Variants in NXPH1 observed in about 807,000 individuals in gnomAD.
NXPH1 encodes neurexophilin-1.
NXPH1 carries 5 observed loss-of-function variants against 23.7 expected under a neutral mutation model. That is an observed-to-expected ratio of 0.21 (90% CI 0.11 to 0.44). NXPH1 has a LOEUF of 0.44. NXPH1 is among the 20% of genes least tolerant of loss of function. The pLI is 0.99. For synonymous variants in NXPH1, 144 were observed against 122.2 expected, an observed-to-expected ratio of 1.18 and a Z score of -1.18; for missense variants, 324 against 321.6, an observed-to-expected ratio of 1.01 and a Z score of -0.06.
At chr7:8,475,061 C>T (rs1469726828) in intron 2 of NXPH1, among the ~76,000 whole-genome samples, 1 of 152,120 alleles carries the variant, frequency 6.6e-6, no homozygotes, top group Non-Finnish European at 1.5e-5. Context: ...GAGAGGCACT[C>T]TGACTGGGGG....
At position 8,489,292 on chromosome 7, in the gene NXPH1, A is replaced by T. The variant is rs1169023059; in HGVS notation, c.54+53525A>T. Among the ~76,000 whole-genome samples, 4 of 152,060 alleles carry T rather than the reference A, an allele frequency of 2.6e-5. No individual in the cohort carries two copies. In the East Asian group the frequency reaches 7.7e-4, roughly 29 times the overall value. ...CTCATATCGAAAAGGACCCTTCTTC[A>T]TTCTAGGGAGTCTGAATTTTCATAG... On this transcript the variant is annotated intron_variant, in intron 2 of 2. Transcript: ENST00000405863.
intron 2 of NXPH1, among the ~76,000 whole-genome samples, chr7:8,653,329 G>C (rs918470367): frequency 6.6e-6 from 1 of 152,096 alleles, no homozygotes; most frequent in Non-Finnish European, 1.5e-5. Context: ...TAGCAGTTTT[G>C]GTGGTGGAGT....
rs1187005080 is a variant in NXPH1 at position 8,654,116 on chromosome 7, G to C, written c.55-96892G>C. ...AAGACTTCCATAACCTTCACCTTTT[G>C]AAAAACTCTTCATTGCTTTTGGATA... On this transcript the variant is annotated intron_variant, in intron 2 of 2. Coordinates refer to ENST00000405863, the MANE Select transcript of NXPH1 (RefSeq NM_152745.3). 2.0e-5 allele frequency among the ~76,000 whole-genome samples: 3 copies of C among 151,980 alleles called. No individual in the cohort carries two copies. In the East Asian group the frequency reaches 5.8e-4, roughly 29 times the overall value.
At chr7:8,553,522 G>A (rs1818310165) in intron 2 of NXPH1, among the ~76,000 whole-genome samples, 1 of 151,498 alleles carries the variant, frequency 6.6e-6, no homozygotes. Flanking sequence ...ATGACTGACT[G>A]ACTAATGAGG....
intron 2 of NXPH1, among the ~76,000 whole-genome samples, chr7:8,539,475 T>G (rs888488725): frequency 6.6e-6 from 1 of 151,852 alleles, no homozygotes; most frequent in Non-Finnish European, 1.5e-5. Context: ...CTATCTTTTC[T>G]TTTCGTAAAT....
chr7:8,658,034 TA>T (rs1820609427), intron 2 of NXPH1, among the ~76,000 whole-genome samples: 1 of 152,030 alleles, frequency 6.6e-6, no homozygotes, highest in South Asian at 2.1e-4. Flanking sequence ...TTTCAACAAA[TA>T]AATAAATAAA....
In NXPH1 at chr7:8,612,420, G is replaced by C. The variant is rs78961993; in HGVS notation, c.55-138588G>C. Among the ~76,000 whole-genome samples the C allele has an allele frequency of 5.7e-4, 86 of 151,952 alleles. No individual in the cohort carries two copies. In the East Asian group the frequency reaches 0.015, roughly 27 times the overall value. ...TAGTTTTGAGAAGAGGAGATATAGT[G>C]CTAGTAGCAGCACTCAAGAGACACT... is the stretch of plus-strand genomic sequence containing the variant. On this transcript the variant is annotated intron_variant, in intron 2 of 2. Transcript: ENST00000405863.
chr7:8,561,383 C>CACACA (rs1554256950), intron 2 of NXPH1, among the ~76,000 whole-genome samples: 10 of 147,230 alleles, frequency 6.8e-5, no homozygotes, highest in South Asian at 2.2e-4. Context: ...CACACACACA[C>CACACA]CTCTCTCTCT....
intron 2 of NXPH1, among the ~76,000 whole-genome samples, chr7:8,674,522 G>A (rs1820918793): frequency 6.6e-6 from 1 of 152,108 alleles, no homozygotes; most frequent in African/African-American, 2.4e-5. Flanking sequence ...TTCGTATGGA[G>A]AGCTGCTGAA....
chr7:8,506,404 C>G (rs1209706022), intron 2 of NXPH1, among the ~76,000 whole-genome samples: 1 of 152,022 alleles, frequency 6.6e-6, no homozygotes, highest in South Asian at 2.1e-4. Flanking sequence ...ATTAATATTT[C>G]CTTTATAGGA....
intron 2 of NXPH1, among the ~76,000 whole-genome samples, chr7:8,705,112 C>T (rs1779682682): frequency 6.6e-6 from 1 of 152,166 alleles, no homozygotes; most frequent in Non-Finnish European, 1.5e-5. Context: ...GACACAGAGC[C>T]AGGACTAGGG....
chr7:8,749,433 A>C (rs1780528544), intron 2 of NXPH1, among the ~76,000 whole-genome samples: 1 of 152,200 alleles, frequency 6.6e-6, no homozygotes, highest in Non-Finnish European at 1.5e-5. Context: ...TTGAGAGCGC[A>C]TCCTTTCAGT....
intron 2 of NXPH1, among the ~76,000 whole-genome samples, chr7:8,585,982 T>G (rs536976884): frequency 6.6e-6 from 1 of 152,262 alleles, no homozygotes; most frequent in South Asian, 2.1e-4. Context: ...GATAAAACAT[T>G]ATAGAAAGCT....
chr7:8,631,928 C>T (rs4318966), intron 2 of NXPH1, among the ~76,000 whole-genome samples: 1 of 151,944 alleles, frequency 6.6e-6, no homozygotes, highest in African/African-American at 2.4e-5. Flanking sequence ...ATGAGTATTA[C>T]ATTTTTGTAA....
chr7:8,553,400 A>G (rs1456140526), intron 2 of NXPH1, among the ~76,000 whole-genome samples: 1 of 148,158 alleles, frequency 6.7e-6, no homozygotes. Flanking sequence ...ATAATTTTCT[A>G]TATTTAAAAT....
At chr7:8,505,681 C>A (rs1322882295) in intron 2 of NXPH1, among the ~76,000 whole-genome samples, 1 of 152,052 alleles carries the variant, frequency 6.6e-6, no homozygotes, top group East Asian at 1.9e-4. Flanking sequence ...TTGGAGATTT[C>A]AGTTTGCATT....
At chr7:8,696,465 A>C (rs2115186758) in intron 2 of NXPH1, among the ~76,000 whole-genome samples, 1 of 152,338 alleles carries the variant, frequency 6.6e-6, no homozygotes, top group South Asian at 2.1e-4. Flanking sequence ...AAATAAAGCA[A>C]GATATTGTGA....
chr7:8,655,985 C>G (rs142924820), intron 2 of NXPH1, among the ~76,000 whole-genome samples: 1 of 152,198 alleles, frequency 6.6e-6, no homozygotes. Context: ...TCCCTAGCTA[C>G]ACTAAACTAT....
At chr7:8,498,309 G>A (rs909486553) in intron 2 of NXPH1, among the ~76,000 whole-genome samples, 1 of 152,034 alleles carries the variant, frequency 6.6e-6, no homozygotes, top group Non-Finnish European at 1.5e-5. Context: ...AAATCAGAGG[G>A]GAAGATTGGT....
Sources: allele counts gnomAD v4.1 joint callset (sites outside exome capture counted in the v4.1 genomes callset), GRCh38; gene constraint gnomAD v4.1.1; transcripts MANE v1.5; gene names NCBI Gene and HGNC (gene_info 2026-07-23, HGNC 2026-07-21).